Variants in CHRM3 observed in about 807,000 individuals in gnomAD.
The protein encoded by CHRM3 is muscarinic acetylcholine receptor M3.
Under a neutral mutation model 41.8 loss-of-function variants are expected in CHRM3, and 11 were observed. The ratio of observed to expected loss-of-function variants is 0.26; its 90% CI spans 0.17 to 0.44. The LOEUF is 0.44. Among genes scored for constraint, CHRM3 ranks in the 20% least tolerant of loss-of-function variants. The pLI, the probability that CHRM3 is intolerant of heterozygous loss-of-function variation, is 1.00. For synonymous variants in CHRM3, 297 were observed against 301.4 expected, an observed-to-expected ratio of 0.99 and a Z score of 0.15; for missense variants, 571 against 745.4, an observed-to-expected ratio of 0.77 and a Z score of 2.72.
chr1:239,550,837 T>C (rs1351413931), intron 3 of CHRM3, among the ~76,000 whole-genome samples: 3 of 152,172 alleles, frequency 2.0e-5, no homozygotes, highest in Non-Finnish European at 4.4e-5. Context: ...GATGAGAAAT[T>C]TTCTGACCTC....
intron 2 of CHRM3, among the ~76,000 whole-genome samples, chr1:239,527,383 G>A (rs1423183725): frequency 1.3e-5 from 2 of 151,842 alleles, no homozygotes; most frequent in African/African-American, 2.4e-5. Flanking sequence ...AAAAATAATT[G>A]AGGCCCTTAC....
intron 5 of CHRM3, among the ~76,000 whole-genome samples, chr1:239,809,333 T>G (rs1439916128): frequency 6.6e-6 from 1 of 151,954 alleles, no homozygotes; most frequent in East Asian, 1.9e-4. Context: ...GAAGTCTATT[T>G]TTAATCCAAA....
chr1:239,879,435 TTTA>T (rs543681558), intron 6 of CHRM3, among the ~76,000 whole-genome samples: 114 of 152,344 alleles, frequency 7.5e-4, no homozygotes, highest in African/African-American at 2.7e-3. Flanking sequence ...CAGTCTGGTA[TTTA>T]TATCCATGTG....
chr1:239,409,956 A>G (rs1038094392), intron 1 of CHRM3, among the ~76,000 whole-genome samples: 1 of 152,146 alleles, frequency 6.6e-6, no homozygotes, highest in African/African-American at 2.4e-5. Context: ...AAACAAACAA[A>G]AAAAAGATAG....
In CHRM3 at chr1:239,912,175, T is replaced by A. The variant is rs1680400310; in HGVS notation, c.*2951T>A. 1.2e-5 allele frequency: 2 copies of A among 165,976 alleles called. No individual in the cohort carries two copies. The allele number at this position is 165,976 out of a possible 1,614,324, so 10.3% of individuals were successfully genotyped here. A position where few individuals can be genotyped will look rare whatever the true frequency, so the allele number is the denominator to read the frequency against. On this transcript the variant is annotated 3_prime_UTR_variant, in exon 7 of 7. Transcript: ENST00000676153. ...CTCTCTCTTTCTCCCTCTTCTTCCT[T>A]CTCTCTCTCTCACAAGCACACACAC...
At chr1:239,759,999 C>T (rs1321878431) in intron 5 of CHRM3, among the ~76,000 whole-genome samples, 1 of 152,104 alleles carries the variant, frequency 6.6e-6, no homozygotes, top group Non-Finnish European at 1.5e-5. Context: ...ACTGCAAGCT[C>T]TGCCTCCCGG....
intron 1 of CHRM3, among the ~76,000 whole-genome samples, chr1:239,490,466 C>T (rs1667482636): frequency 6.6e-6 from 1 of 152,156 alleles, no homozygotes; most frequent in Non-Finnish European, 1.5e-5. Flanking sequence ...AGAGGCTTCT[C>T]AGAAATAAGG....
At chr1:239,519,909 C>G (rs528280651) in intron 2 of CHRM3, among the ~76,000 whole-genome samples, 10,755 of 151,678 alleles carry the variant, frequency 0.071, 565 homozygotes, top group Non-Finnish European at 0.11. Flanking sequence ...CACCACACCC[C>G]GCTAATTTTT....
chr1:239,472,522 A>C (rs1666195783), intron 1 of CHRM3, among the ~76,000 whole-genome samples: 1 of 152,240 alleles, frequency 6.6e-6, no homozygotes, highest in African/African-American at 2.4e-5. Flanking sequence ...AAGACTAGAC[A>C]AAATTTTTTA....
rs543914941 is a variant in CHRM3 at position 239,656,392 on chromosome 1, G to C, written c.-249-21794G>C. Among the ~76,000 whole-genome samples the C allele has an allele frequency of 3.0e-4, 45 of 151,694 alleles. No homozygotes were observed. The South Asian group carries it at 9.0e-3, about 30-fold the overall frequency. On this transcript the variant is annotated intron_variant, in intron 4 of 6. Coordinates refer to ENST00000676153, the MANE Select transcript of CHRM3 (RefSeq NM_001375978.1). Reference sequence around the variant, plus strand: ...ATCCCAACACTTTGGGAGGCTGAAGGGGAAAATCACTTGAGCTCAGGAGTT... The same window carrying C: ...ATCCCAACACTTTGGGAGGCTGAAGCGGAAAATCACTTGAGCTCAGGAGTT...
chr1:239,647,333 T>C (rs1026168281), intron 4 of CHRM3, among the ~76,000 whole-genome samples: 2 of 152,234 alleles, frequency 1.3e-5, no homozygotes, highest in Non-Finnish European at 2.9e-5. Flanking sequence ...TCTTTAACTT[T>C]CTTACTCCTC....
chr1:239,510,426 T>A (rs1668842096), intron 2 of CHRM3, among the ~76,000 whole-genome samples: 1 of 152,144 alleles, frequency 6.6e-6, no homozygotes, highest in Non-Finnish European at 1.5e-5. Flanking sequence ...GCTGTAGCCG[T>A]CTTGTGACCA....
At chr1:239,851,510 A>G (rs1351425647) in intron 6 of CHRM3, among the ~76,000 whole-genome samples, 2 of 152,190 alleles carry the variant, frequency 1.3e-5, no homozygotes, top group African/African-American at 4.8e-5. Flanking sequence ...GTTGCATATA[A>G]TGCAATTGTC....
chr1:239,834,290 G>A (rs897889304), intron 6 of CHRM3, among the ~76,000 whole-genome samples: 1 of 142,890 alleles, frequency 7.0e-6, no homozygotes, highest in Non-Finnish European at 1.5e-5. Flanking sequence ...TAATACCCAC[G>A]TTTCTTCTCA....
At chr1:239,629,974 T>C (rs1047719226) in intron 3 of CHRM3, among the ~76,000 whole-genome samples, 15 of 152,334 alleles carry the variant, frequency 9.8e-5, no homozygotes, top group African/African-American at 3.6e-4. Context: ...TTGAACCTCA[T>C]CTCTAAATGA....
At chr1:239,551,630 T>C (rs1198647139) in intron 3 of CHRM3, among the ~76,000 whole-genome samples, 1 of 152,170 alleles carries the variant, frequency 6.6e-6, no homozygotes, top group Non-Finnish European at 1.5e-5. Flanking sequence ...TGTGTGATTT[T>C]AACTGAAATT....
At chr1:239,446,448 C>T (rs1475920475) in intron 1 of CHRM3, among the ~76,000 whole-genome samples, 2 of 152,146 alleles carry the variant, frequency 1.3e-5, no homozygotes, top group South Asian at 4.1e-4. Context: ...GTAAGCACCT[C>T]ATAGATTAGT....
chr1:239,871,981 A>T (rs1454644926), intron 6 of CHRM3, among the ~76,000 whole-genome samples: 1 of 152,202 alleles, frequency 6.6e-6, no homozygotes, highest in Non-Finnish European at 1.5e-5. Flanking sequence ...TGTTGATTGA[A>T]TTCTGGAAAT....
chr1:239,825,984 T>C (rs1440187605), intron 5 of CHRM3, among the ~76,000 whole-genome samples: 1 of 152,244 alleles, frequency 6.6e-6, no homozygotes, highest in Non-Finnish European at 1.5e-5. Flanking sequence ...TGATACCATT[T>C]ACGTGAGGAA....
Sources: gnomAD v4.1 joint callset for allele counts (sites outside exome capture counted in the v4.1 genomes callset) on GRCh38, gnomAD v4.1.1 for gene constraint, MANE v1.5 for transcripts, NCBI Gene and HGNC (gene_info 2026-07-23, HGNC 2026-07-21) for gene names.